ACACB: variants seen among roughly 807,000 people sequenced by gnomAD.
The protein encoded by ACACB is acetyl-CoA carboxylase beta, also known as acetyl-CoA carboxylase 2.
ACACB carries 209 observed loss-of-function variants against 278.8 expected under a neutral mutation model. The ratio of observed to expected loss-of-function variants is 0.75; its 90% CI spans 0.67 to 0.84. The LOEUF (loss-of-function observed/expected upper bound fraction) is 0.84, where lower values mean the gene tolerates loss of function less well. Among genes scored for constraint, ACACB ranks in the 40% least tolerant of loss-of-function variants. The pLI is 0.00. For synonymous variants in ACACB, 1,174 were observed against 1,285.6 expected (o/e 0.91, Z 1.86); for missense variants, 2,850 against 3,269.0 (o/e 0.87, Z 3.13).
intron 2 of ACACB, among the ~76,000 whole-genome samples, chr12:109,162,845 C>T (rs1372575266): frequency 6.6e-6 from 1 of 152,172 alleles, no homozygotes; most frequent in Non-Finnish European, 1.5e-5. Context: ...CCAGGTCCAC[C>T]ACAGTCTCAG....
chr12:109,237,115 G>A (rs200124957), intron 33 of ACACB, 50 bp from the exon 34 acceptor site: 51 of 1,598,324 alleles, frequency 3.2e-5, no homozygotes, highest in South Asian at 2.4e-4. Context: ...CAGCTCCAAC[G>A]TCACGCTGTG....
intron 1 of ACACB, among the ~76,000 whole-genome samples, chr12:109,131,991 G>T (rs978895317): frequency 2.6e-5 from 4 of 152,214 alleles, no homozygotes; most frequent in South Asian, 4.2e-4. Flanking sequence ...CTGTTTTTAG[G>T]ATCATATCTA....
At chr12:109,230,824 C>T (rs533128349) in intron 28 of ACACB, among the ~76,000 whole-genome samples, 3 of 152,254 alleles carry the variant, frequency 2.0e-5, no homozygotes, top group Admixed American at 1.3e-4. Flanking sequence ...GTGAGCTACA[C>T]GTATATCCAG....
Position 109,179,255 on chromosome 12 carries a change from G to A in ACACB, c.1605G>A (p.Pro535=), listed in dbSNP as rs575383848. ...RRHQKIVEEA[P]ATIAPLAIFE... is the part of the protein sequence containing the mutation. Reference sequence around the variant, plus strand: ...ATCAGAAGATCGTTGAGGAAGCACCGGCCACCATCGCCCCGCTGGCCATAT... The same window carrying A: ...ATCAGAAGATCGTTGAGGAAGCACCAGCCACCATCGCCCCGCTGGCCATAT... Residue 535 remains proline (P), a synonymous_variant, in exon 10 of 53, where the codon CCG becomes CCA. Transcript: ENST00000338432. 85 of 1,613,776 alleles carry A rather than the reference G, an allele frequency of 5.3e-5. No homozygotes were observed. The Admixed American group carries it at 6.5e-4, about 12-fold the overall frequency.
At chr12:109,175,121 G>A (rs2044242227) in intron 7 of ACACB, among the ~76,000 whole-genome samples, 1 of 152,040 alleles carries the variant, frequency 6.6e-6, no homozygotes, top group Non-Finnish European at 1.5e-5. Context: ...AAATTTATGT[G>A]TGCATTTTAA....
chr12:109,211,180 G>A (rs2045835937), intron 21 of ACACB, among the ~76,000 whole-genome samples: 1 of 151,794 alleles, frequency 6.6e-6, no homozygotes, highest in Non-Finnish European at 1.5e-5. Context: ...GAAACCAGAG[G>A]ACAGTGTAGT....
chr12:109,266,229 C>T lies in ACACB; in HGVS notation c.7251-7C>T, dbSNP rs776042979. On this transcript the variant is annotated splice_region_variant and splice_polypyrimidine_tract_variant and intron_variant, in intron 52 of 52. Transcript: ENST00000338432. ...TGATCCCAGCCCTCCTCTCACCTCCCCCACAGCCTGGTTGAAGAAAACCCC... is the reference window on the plus strand; with the variant it reads ...TGATCCCAGCCCTCCTCTCACCTCCTCCACAGCCTGGTTGAAGAAAACCCC... 1 of 1,612,024 alleles carries T rather than the reference C, an allele frequency of 6.2e-7. No homozygotes were observed. Among genetic ancestry groups the T allele is most frequent in the Admixed American group, 1.7e-5 (1 of 59,852 alleles).
At position 109,259,061 on chromosome 12, in the gene ACACB, C is replaced by A. The variant is rs1300821089; in HGVS notation, c.6449C>A (p.Pro2150His). 1 of 1,614,090 alleles carries A rather than the reference C, an allele frequency of 6.2e-7. No homozygotes were observed. The highest frequency in any genetic ancestry group is 8.5e-7 in the Non-Finnish European group (1 of 1,180,022). ...AAGGACTTCAACCGGGAGAAGTTGCCCCTGATGATCTTTGCCAACTGGAGG... is the reference window on the plus strand; with the variant it reads ...AAGGACTTCAACCGGGAGAAGTTGCACCTGATGATCTTTGCCAACTGGAGG... Reference protein sequence around the residue: ...AVKDFNREKLPLMIFANWRGF... With the variant: ...AVKDFNREKLHLMIFANWRGF... Residue 2150 changes from proline to histidine, a missense_variant, in exon 47 of 53, where the codon CCC (proline) becomes CAC (histidine). Pro to His is a moderately conservative substitution (Grantham distance 77). Coordinates refer to ENST00000338432, the MANE Select transcript of ACACB (RefSeq NM_001093.4).
intron 21 of ACACB, among the ~76,000 whole-genome samples, chr12:109,212,603 C>G (rs1490449429): frequency 1.3e-5 from 2 of 152,120 alleles, no homozygotes; most frequent in African/African-American, 4.8e-5. Flanking sequence ...AATGCTCCCG[C>G]TGATCTGACA....
In ACACB at chr12:109,222,499, C is replaced by A; in HGVS notation, c.3565-8C>A. The A allele has an allele frequency of 1.2e-6, 2 of 1,613,226 alleles. No homozygotes were observed. Among genetic ancestry groups the A allele is most frequent in the Non-Finnish European group, 8.5e-7 (1 of 1,179,256 alleles). On this transcript the variant is annotated splice_region_variant and splice_polypyrimidine_tract_variant and intron_variant, in intron 24 of 52. Coordinates refer to ENST00000338432, the MANE Select transcript of ACACB (RefSeq NM_001093.4). The stretch of plus-strand genomic sequence containing the variant: ...AAAGCCATTTGGCTTCTTTTTCTGT[C>A]CCCTAAGGATGAGCTGTGTGGCCCA...
At chr12:109,198,018 C>T (rs999719894) in intron 17 of ACACB, among the ~76,000 whole-genome samples, 19 of 152,236 alleles carry the variant, frequency 1.2e-4, no homozygotes, top group African/African-American at 4.3e-4. Flanking sequence ...CCACCTCAGT[C>T]CCCCAAGTTG....
chr12:109,236,308 C>A (rs1283594585), intron 33 of ACACB: 1 of 152,412 alleles, frequency 6.6e-6, no homozygotes. Context: ...GCCCTTTCAG[C>A]CTCACTACAG....
chr12:109,123,877 A>G lies in ACACB; in HGVS notation c.-10+7173A>G, dbSNP rs74370402. Among the ~76,000 whole-genome samples the G allele has an allele frequency of 3.4e-4, 51 of 151,162 alleles. No homozygotes were observed. In the East Asian group the frequency reaches 9.2e-3, roughly 27 times the overall value. Reference sequence around the variant, plus strand: ...TTTTTTAATTTTTATTTTTTAGGTAACAGAGTTTGCCATGTTGCTCGGGCT... The same window carrying G: ...TTTTTTAATTTTTATTTTTTAGGTAGCAGAGTTTGCCATGTTGCTCGGGCT... On this transcript the variant is annotated intron_variant, in intron 1 of 52. Transcript: ENST00000338432.
Position 109,241,246 on chromosome 12 carries a change from C to A in ACACB, c.4987C>A (p.Leu1663Ile), listed in dbSNP as rs750449470. ...GTCGGGCTACTACCTGGACATCAGC[C>A]TCTACAAAGAAGTGACTGACTCCAG... ...NESGYYLDIS[L>I]YKEVTDSRSG... Residue 1663 changes from leucine (L) to isoleucine (I), a missense_variant, in exon 36 of 53, where the codon CTC (leucine) becomes ATC (isoleucine). Physicochemically the swap from Leu to Ile is conservative, Grantham distance 5. Transcript: ENST00000338432. 38 of 1,614,094 alleles carry A rather than the reference C, an allele frequency of 2.4e-5. No individual in the cohort carries two copies. The highest frequency in any genetic ancestry group is 1.2e-4 in the African/African-American group (9 of 74,934).
At chr12:109,126,796 T>G (rs1284739089) in intron 1 of ACACB, among the ~76,000 whole-genome samples, 1 of 152,216 alleles carries the variant, frequency 6.6e-6, no homozygotes, top group Non-Finnish European at 1.5e-5. Flanking sequence ...TGTGCATCTT[T>G]CTGGGTCTAT....
Position 109,216,715 on chromosome 12 carries a change from T to C in ACACB, c.3439+9T>C, listed in dbSNP as rs1476988795. On this transcript the variant is annotated intron_variant, in intron 23 of 52. Transcript: ENST00000338432. ...GCACCATTTTCAGCAAGGCAAGAGA[T>C]GCTGATGCCAACACCAGTGGGATGG... The C allele has an allele frequency of 2.5e-6, 4 of 1,614,164 alleles. No homozygotes were observed. In the Admixed American group the frequency reaches 5.0e-5, roughly 20 times the overall value.
At chr12:109,144,312 CAATA>C (rs537512170) in intron 2 of ACACB, among the ~76,000 whole-genome samples, 1 of 152,012 alleles carries the variant, frequency 6.6e-6, no homozygotes, top group East Asian at 1.9e-4. Flanking sequence ...GACTCTGTCT[CAATA>C]AATAAATAAA....
chr12:109,176,768 C>T (rs1264884695), intron 9 of ACACB, among the ~76,000 whole-genome samples: 1 of 152,128 alleles, frequency 6.6e-6, no homozygotes, highest in Non-Finnish European at 1.5e-5. Context: ...AGGCGTGTGC[C>T]ACCACACGCA....
At chr12:109,205,458 T>C (rs1201776244) in intron 19 of ACACB, among the ~76,000 whole-genome samples, 1 of 151,760 alleles carries the variant, frequency 6.6e-6, no homozygotes, top group East Asian at 1.9e-4. Context: ...AGTCAGCTTT[T>C]TTTTTTTTTG....
Sources: gnomAD v4.1 joint callset for allele counts (sites outside exome capture counted in the v4.1 genomes callset) on GRCh38, gnomAD v4.1.1 for gene constraint, MANE v1.5 for transcripts, NCBI Gene and HGNC (gene_info 2026-07-23, HGNC 2026-07-21) for gene names.